Variants in IL1RAPL2 observed in about 807,000 individuals in gnomAD.
The protein encoded by IL1RAPL2 is interleukin 1 receptor accessory protein like 2, also known as X-linked interleukin-1 receptor accessory protein-like 2.
A neutral mutation model predicts 44.1 loss-of-function variants in IL1RAPL2; 3 were observed. The ratio of observed to expected loss-of-function variants is 0.07; its 90% CI spans 0.03 to 0.18. IL1RAPL2 has a LOEUF of 0.18. Ranked by LOEUF, IL1RAPL2 falls within the 10% of genes least tolerant of loss-of-function variation. IL1RAPL2 has a pLI of 1.00. For synonymous variants in IL1RAPL2, 181 were observed against 178.8 expected, an observed-to-expected ratio of 1.01 and a Z score of -0.10; for missense variants, 391 against 496.4, an observed-to-expected ratio of 0.79 and a Z score of 2.02.
chrX:105,573,668 G>T (rs2037030826), intron 6 of IL1RAPL2, among the ~76,000 whole-genome samples: 1 of 110,248 alleles, frequency 9.1e-6, no homozygotes, highest in Non-Finnish European at 1.9e-5. Flanking sequence ...CTCAGAGAGG[G>T]GGAATATAGG....
At chrX:104,603,011 G>C (rs1928918395) in intron 1 of IL1RAPL2, among the ~76,000 whole-genome samples, 1 of 111,616 alleles carries the variant, frequency 9.0e-6, no homozygotes, top group Non-Finnish European at 1.9e-5. Context: ...GTGGATCCCT[G>C]AACCGCATGT....
At chrX:105,375,599 A>C (rs2147720240) in intron 5 of IL1RAPL2, among the ~76,000 whole-genome samples, 1 of 112,537 alleles carries the variant, frequency 8.9e-6, no homozygotes, top group Non-Finnish European at 1.9e-5. Context: ...CAAAAGTAAT[A>C]ATTCATTACT....
intron 2 of IL1RAPL2, among the ~76,000 whole-genome samples, chrX:104,775,912 G>C (rs1435410550): frequency 1.8e-5 from 2 of 109,996 alleles, no homozygotes; most frequent in African/African-American, 6.6e-5. Flanking sequence ...GAAGTGGGGA[G>C]AGATAATGCT....
chrX:105,767,550 C>T lies in IL1RAPL2; in HGVS notation c.1950C>T (p.Asn650=), dbSNP rs750449116. 18 of 1,209,803 alleles carry T rather than the reference C, an allele frequency of 1.5e-5. No homozygotes were observed. Among genetic ancestry groups the T allele is most frequent in the Non-Finnish European group, 1.9e-5 (17 of 893,836 alleles). Residue 650 remains asparagine (N), a synonymous_variant, in exon 11 of 11, where the codon AAC becomes AAT. Transcript: ENST00000372582. The part of the protein sequence containing the change: ...TYCNLPLTLL[N]GQLPLNNTLK... ...GTAACCTGCCTCTGACGCTACTCAA[C>T]GGACAGCTACCCCTTAATAACACCC...
chrX:104,722,613 A>C (rs1931703089), intron 2 of IL1RAPL2, among the ~76,000 whole-genome samples: 1 of 111,997 alleles, frequency 8.9e-6, no homozygotes, highest in Non-Finnish European at 1.9e-5. Flanking sequence ...AGTGAGCCTC[A>C]ACTTGAAAGA....
rs997399978 is a variant in IL1RAPL2, at chrX:104,718,460, G to C, written c.82+59465G>C. 2.7e-5 allele frequency among the ~76,000 whole-genome samples: 3 copies of C among 111,119 alleles called. No homozygotes were observed. In the Admixed American group the frequency reaches 2.9e-4, roughly 11 times the overall value. On this transcript the variant is annotated intron_variant, in intron 2 of 10. Transcript: ENST00000372582. ...TGTCAAGGGAGGGACCTGGTGGGAAGTGATGGGATCATGAGGATGGATTTC... is the reference window on the plus strand; with the variant it reads ...TGTCAAGGGAGGGACCTGGTGGGAACTGATGGGATCATGAGGATGGATTTC...
chrX:104,908,512 C>G lies in IL1RAPL2; in HGVS notation c.82+249517C>G, dbSNP rs1482504944. Among the ~76,000 whole-genome samples the G allele has an allele frequency of 4.5e-5, 5 of 111,187 alleles. No homozygotes were observed. In the East Asian group the frequency reaches 1.4e-3, roughly 31 times the overall value. On this transcript the variant is annotated intron_variant, in intron 2 of 10. Transcript: ENST00000372582. Reference sequence around the variant, plus strand: ...AGGGCAGGCCTGGTGGTGACAAAATCTCTCAGCATTTGCTCGTCTGTAAAG... The same window carrying G: ...AGGGCAGGCCTGGTGGTGACAAAATGTCTCAGCATTTGCTCGTCTGTAAAG...
intron 2 of IL1RAPL2, among the ~76,000 whole-genome samples, chrX:104,976,358 T>C (rs780868666): frequency 8.9e-6 from 1 of 112,041 alleles, no homozygotes; most frequent in African/African-American, 3.2e-5. Flanking sequence ...TTTAGATTTC[T>C]ACTTGCTATC....
intron 6 of IL1RAPL2, among the ~76,000 whole-genome samples, chrX:105,627,061 G>T (rs756571020): frequency 9.0e-6 from 1 of 111,682 alleles, no homozygotes; most frequent in African/African-American, 3.2e-5. Context: ...TAATGGAATT[G>T]AATTAAAAAG....
intron 2 of IL1RAPL2, among the ~76,000 whole-genome samples, chrX:104,982,050 A>G (rs180989404): frequency 2.7e-5 from 3 of 110,712 alleles, no homozygotes; most frequent in East Asian, 5.7e-4. Context: ...TAGTATGCTT[A>G]TTACCTGGGT....
intron 6 of IL1RAPL2, among the ~76,000 whole-genome samples, chrX:105,637,329 A>C (rs2037531282): frequency 8.9e-6 from 1 of 112,283 alleles, no homozygotes; most frequent in Non-Finnish European, 1.9e-5. Context: ...GAAATGAAAA[A>C]CAACTTCAAC....
intron 5 of IL1RAPL2, among the ~76,000 whole-genome samples, chrX:105,297,923 C>G (rs1020348074): frequency 9.0e-6 from 1 of 110,921 alleles, no homozygotes; most frequent in African/African-American, 3.3e-5. Flanking sequence ...ATCATTTTCT[C>G]TATGTGTGTG....
chrX:105,360,073 G>A (rs930574724), intron 5 of IL1RAPL2, among the ~76,000 whole-genome samples: 1 of 110,475 alleles, frequency 9.1e-6, no homozygotes, highest in Non-Finnish European at 1.9e-5. Flanking sequence ...ATACATCACC[G>A]AGCACATGGT....
At chrX:104,897,246 C>G (rs961188040) in intron 2 of IL1RAPL2, among the ~76,000 whole-genome samples, 2 of 112,046 alleles carry the variant, frequency 1.8e-5, no homozygotes, top group Admixed American at 9.4e-5. Flanking sequence ...AAGATAGATT[C>G]TTCACACATG....
chrX:105,606,344 C>A (rs771706656), intron 6 of IL1RAPL2, among the ~76,000 whole-genome samples: 1 of 111,461 alleles, frequency 9.0e-6, no homozygotes, highest in South Asian at 3.7e-4. Context: ...GAAGCAAAAC[C>A]ACAATAAGAT....
At chrX:105,010,384 G>A (rs1013785585) in intron 2 of IL1RAPL2, among the ~76,000 whole-genome samples, 1 of 111,277 alleles carries the variant, frequency 9.0e-6, no homozygotes, top group Non-Finnish European at 1.9e-5. Flanking sequence ...TTTTTTTACA[G>A]ATACAGTTTT....
chrX:105,137,370 T>C (rs2033085879), intron 2 of IL1RAPL2, among the ~76,000 whole-genome samples: 1 of 112,212 alleles, frequency 8.9e-6, no homozygotes. Flanking sequence ...AAATTTCCCT[T>C]GGACAACTCT....
At chrX:105,041,638 A>T (rs2031739675) in intron 2 of IL1RAPL2, among the ~76,000 whole-genome samples, 1 of 109,576 alleles carries the variant, frequency 9.1e-6, no homozygotes, top group African/African-American at 3.3e-5. Flanking sequence ...TATCGTGAAA[A>T]TGGCCATACT....
intron 2 of IL1RAPL2, among the ~76,000 whole-genome samples, chrX:104,907,295 T>C (rs1196035989): frequency 8.9e-6 from 1 of 112,046 alleles, no homozygotes. Flanking sequence ...TTTGTGTCTC[T>C]ATTTCCTTCA....
Sources: allele counts gnomAD v4.1 joint callset (sites outside exome capture counted in the v4.1 genomes callset), GRCh38; gene constraint gnomAD v4.1.1; transcripts MANE v1.5; gene names NCBI Gene and HGNC (gene_info 2026-07-23, HGNC 2026-07-21).